DEFB105A: variants seen among roughly 807,000 people sequenced by gnomAD.
The protein encoded by DEFB105A is defensin beta 105A.
For missense variants in DEFB105A, 2 were observed against 18.5 expected (o/e 0.11, Z 1.64); for synonymous variants, 2 against 6.6 (o/e 0.30, Z 1.06).
rs1195450273 is a variant in DEFB105A, at chr8:7,821,987, G to C, written c.*21C>G. The C allele has an allele frequency of 4.4e-6, 1 of 229,442 alleles. No homozygotes were observed. Among genetic ancestry groups the C allele is most frequent in the East Asian group, 2.8e-4 (1 of 3,550 alleles). 14.2% of individuals were successfully genotyped at this position (229,442 alleles called of 1,614,324 possible). A position where few individuals can be genotyped will look rare whatever the true frequency, so the allele number is the denominator to read the frequency against. Reference sequence around the variant, plus strand: ...ATATCCAGGTCTGCTTCTAAGGCCAGAAGTGTGCTGGTCTGGTTTGTCAGA... The same window carrying C: ...ATATCCAGGTCTGCTTCTAAGGCCACAAGTGTGCTGGTCTGGTTTGTCAGA... On this transcript the variant is annotated 3_prime_UTR_variant, in exon 3 of 3. Coordinates refer to ENST00000334773, the MANE Select transcript of DEFB105A (RefSeq NM_152250.3).
rs1817314690 is a variant in DEFB105A at position 7,821,934 on chromosome 8, C to G, written c.*74G>C. 1 of 180,798 alleles carries G rather than the reference C, an allele frequency of 5.5e-6. No homozygotes were observed. The highest frequency in any genetic ancestry group is 1.0e-5 in the Non-Finnish European group (1 of 95,896). 11.2% of individuals were successfully genotyped at this position (180,798 alleles called of 1,614,324 possible). A position where few individuals can be genotyped will look rare whatever the true frequency, so the allele number is the denominator to read the frequency against. On this transcript the variant is annotated 3_prime_UTR_variant, in exon 3 of 3. Transcript: ENST00000334773. Reference sequence around the variant, plus strand: ...TCACTCACTGTGTGATTTGGATAAGCCACATAACTTCTCTTGAACTTCTTT... The same window carrying G: ...TCACTCACTGTGTGATTTGGATAAGGCACATAACTTCTCTTGAACTTCTTT...
rs1817283347 is a variant in DEFB105A at position 7,821,061 on chromosome 8, CA to C, written c.*946del. Among the ~76,000 whole-genome samples the C allele has an allele frequency of 1.1e-5, 1 of 90,920 alleles. No homozygotes were observed. Among genetic ancestry groups the C allele is most frequent in the Admixed American group, 1.3e-4 (1 of 7,738 alleles). 59.6% of individuals were successfully genotyped at this position (90,920 alleles called of 152,430 possible). On this transcript the variant is annotated 3_prime_UTR_variant, in exon 3 of 3. Coordinates refer to ENST00000334773, the MANE Select transcript of DEFB105A (RefSeq NM_152250.3). ...TGAAGCTGGATTTTATTTCACAAGG[CA>C]AAATTAGACAGTCAACCATTTATGC...
Sources: gnomAD v4.1 joint callset for allele counts (sites outside exome capture counted in the v4.1 genomes callset) on GRCh38, gnomAD v4.1.1 for gene constraint, MANE v1.5 for transcripts, NCBI Gene and HGNC (gene_info 2026-07-23, HGNC 2026-07-21) for gene names.